SSX7: variants seen among roughly 807,000 people sequenced by gnomAD.
SSX7 encodes SSX family member 7, also known as protein SSX7.
In SSX7, 15 loss-of-function variants were observed where a neutral mutation model predicts 14.7. The ratio of observed to expected loss-of-function variants is 1.02; its 90% confidence interval spans 0.68 to 1.58. SSX7 has a LOEUF of 1.58. Among genes scored for constraint, SSX7 ranks in the 40% most tolerant of loss-of-function variants. The probability of loss-of-function intolerance (pLI) is 0.00; values close to 1 mark genes in which losing one functional copy is unlikely to be tolerated. For missense variants in SSX7, 178 were observed against 146.8 expected, an observed-to-expected ratio of 1.21 and a Z score of -1.10; for synonymous variants, 46 against 50.6, an observed-to-expected ratio of 0.91 and a Z score of 0.38.
chrX:52,648,561 A>C (rs1394821201), intron 5 of SSX7, among the ~76,000 whole-genome samples, 165 bp from the exon 6 acceptor site: 1 of 112,082 alleles, frequency 8.9e-6, no homozygotes, highest in Non-Finnish European at 1.9e-5. Context: ...TAGACGGGAA[A>C]GGAATGGCCT....
chrX:52,654,300 G>A (rs1925531637), intron 1 of SSX7, among the ~76,000 whole-genome samples: 1 of 107,272 alleles, frequency 9.3e-6, no homozygotes, highest in Non-Finnish European at 1.9e-5. Context: ...GGAGTGGTGT[G>A]CACCTCTAGT....
At chrX:52,653,012 T>C in intron 2 of SSX7, 28 bp from the exon 3 acceptor site, 1 of 1,190,739 alleles carries the variant, frequency 8.4e-7, no homozygotes, top group Non-Finnish European at 1.1e-6. Flanking sequence ...AGGAATTTTG[T>C]CAGTGACTCA....
At chrX:52,652,553 A>G (rs1556767162) in intron 3 of SSX7, among the ~76,000 whole-genome samples, 1 of 110,032 alleles carries the variant, frequency 9.1e-6, no homozygotes, top group Non-Finnish European at 1.9e-5. Context: ...AAAGAAAGAA[A>G]GAAAGATACA....
intron 5 of SSX7, among the ~76,000 whole-genome samples, chrX:52,649,605 T>C (rs5986183): frequency 0.02 from 2,233 of 111,695 alleles, 30 homozygotes; most frequent in Middle Eastern, 0.092. Context: ...TGGGGGCTTC[T>C]GGGATGCCCC....
chrX:52,644,353 A>G lies in SSX7; in HGVS notation c.*322T>C. 2 of 328,451 alleles carry G rather than the reference A, an allele frequency of 6.1e-6. No homozygotes were observed. The highest frequency in any genetic ancestry group is 1.0e-5 in the Non-Finnish European group (2 of 194,038). 27.1% of individuals were successfully genotyped at this position (328,451 alleles called of 1,213,427 possible). A position where few individuals can be genotyped will look rare whatever the true frequency, so the allele number is the denominator to read the frequency against. Reference sequence around the variant, plus strand: ...GGAGAGAGGAGGGTAGTGCTGTTCTATGGAGAGAATACCTGACTATACTTG... The same window carrying G: ...GGAGAGAGGAGGGTAGTGCTGTTCTGTGGAGAGAATACCTGACTATACTTG... On this transcript the variant is annotated 3_prime_UTR_variant, in exon 8 of 8. Coordinates refer to ENST00000298181, the MANE Select transcript of SSX7 (RefSeq NM_173358.2).
rs1925483864 is a variant in SSX7, at chrX:52,652,912, A to G, written c.142T>C (p.Tyr48His). Residue 48 changes from tyrosine to histidine, a missense_variant, in exon 3 of 8, where the codon TAT becomes CAT. Coordinates refer to ENST00000298181, the MANE Select transcript of SSX7 (RefSeq NM_173358.2). ...EKMKSLEKISYVYMKRKYEAM... is the reference protein window; with the variant it reads ...EKMKSLEKISHVYMKRKYEAM... ...TCATACTTTCTCTTCATATACACAT[A>G]GCTGATTTTCTCCAAGGATTTCATC... 9 of 1,204,277 alleles carry G rather than the reference A, an allele frequency of 7.5e-6. No individual in the cohort carries two copies. The East Asian group carries it at 2.7e-4, about 36-fold the overall frequency.
At chrX:52,652,377 A>G (rs1925463755) in intron 3 of SSX7, 30 bp from the exon 4 acceptor site, 1 of 1,078,531 alleles carries the variant, frequency 9.3e-7, no homozygotes, top group South Asian at 1.9e-5. Flanking sequence ...TTATTCCTTA[A>G]GAGACAAGCT....
intron 7 of SSX7, among the ~76,000 whole-genome samples, chrX:52,645,148 G>A (rs1219595612): frequency 9.1e-6 from 1 of 110,351 alleles, no homozygotes; most frequent in Non-Finnish European, 1.9e-5. Context: ...GCGGGCACTT[G>A]TAGTCCCAGC....
intron 2 of SSX7, 121 bp downstream of exon 2, chrX:52,653,283 T>A (rs1470534535): frequency 8.3e-7 from 1 of 1,204,321 alleles, no homozygotes; most frequent in Non-Finnish European, 1.1e-6. Flanking sequence ...CTCTCAAGGA[T>A]CCAGATCTCC....
chrX:52,649,508 A>G (rs1461673965), intron 5 of SSX7, among the ~76,000 whole-genome samples: 1 of 112,054 alleles, frequency 8.9e-6, no homozygotes, highest in African/African-American at 3.2e-5. Context: ...CCCAACTCCC[A>G]GATCCCTTTA....
chrX:52,646,078 G>C (rs1362116654), intron 6 of SSX7, among the ~76,000 whole-genome samples: 6 of 109,628 alleles, frequency 5.5e-5, no homozygotes. Flanking sequence ...ATTTTATTTT[G>C]TTTGAGATGA....
intron 4 of SSX7, among the ~76,000 whole-genome samples, chrX:52,651,838 G>A (rs1391433751): frequency 2.7e-5 from 3 of 111,184 alleles, no homozygotes; most frequent in Non-Finnish European, 3.8e-5. Context: ...TTGCCTTATT[G>A]CACTCTACCC....
chrX:52,653,598 T>C (rs1213077287), intron 1 of SSX7, 106 bp from the exon 2 acceptor site: 1 of 963,411 alleles, frequency 1.0e-6, no homozygotes, highest in Non-Finnish European at 1.5e-6. Context: ...ATCAGGTGCT[T>C]CATTTCTCCA....
Position 52,653,461 on chromosome X carries a change from G to A in SSX7, c.12C>T (p.Asp4=), listed in dbSNP as rs372765662. The A allele has an allele frequency of 6.3e-5, 76 of 1,209,441 alleles. No homozygotes were observed. In the Middle Eastern group the frequency reaches 1.4e-3, roughly 22 times the overall value. The change falls in exon 2 of 8, where the codon GAC becomes GAT. Residue 4 remains aspartate (D), a synonymous_variant. Transcript: ENST00000298181. MNG[D]DAFARRPRAG... ...CCCTAGGTCTCCTTGCAAAGGCGTCGTCTCCGTTCATGGCACCAGGAGCAG... is the reference window on the plus strand; with the variant it reads ...CCCTAGGTCTCCTTGCAAAGGCGTCATCTCCGTTCATGGCACCAGGAGCAG...
intron 3 of SSX7, 73 bp downstream of exon 3, chrX:52,652,797 A>G (rs1925478470): frequency 1.0e-6 from 1 of 983,922 alleles, no homozygotes; most frequent in African/African-American, 1.9e-5. Context: ...TCTGCAGCCT[A>G]AGAAGTAGCC....
At chrX:52,648,537 GAA>G (rs1925324985) in intron 5 of SSX7, 141 bp from the exon 6 acceptor site, 3 of 957,644 alleles carry the variant, frequency 3.1e-6, no homozygotes, top group Non-Finnish European at 4.3e-6. Flanking sequence ...TAAATTAGGA[GAA>G]ACCTGGGAAG....
chrX:52,654,356 TTGAG>T (rs1925533883), intron 1 of SSX7, among the ~76,000 whole-genome samples: 1 of 89,807 alleles, frequency 1.1e-5, no homozygotes, highest in South Asian at 6.0e-4. Context: ...GAGGAAAGAT[TTGAG>T]TGAGTTTTTT....
chrX:52,653,266 T>C (rs1925499690), intron 2 of SSX7, 138 bp downstream of exon 2: 5 of 1,202,010 alleles, frequency 4.2e-6, no homozygotes, highest in Admixed American at 4.4e-5. Flanking sequence ...AGAGCGAGGA[T>C]GGGAGGCTCT....
intron 1 of SSX7, among the ~76,000 whole-genome samples, chrX:52,653,804 G>C (rs1925515725): frequency 9.0e-6 from 1 of 110,808 alleles, no homozygotes; most frequent in Non-Finnish European, 1.9e-5. Flanking sequence ...AAGATGTACA[G>C]ACCCTTGTTG....
Sources: allele counts gnomAD v4.1 joint callset (sites outside exome capture counted in the v4.1 genomes callset), GRCh38; gene constraint gnomAD v4.1.1; transcripts MANE v1.5; gene names NCBI Gene and HGNC (gene_info 2026-07-23, HGNC 2026-07-21).